Variants in PALS2 observed in about 807,000 individuals in gnomAD.
PALS2 encodes the protein protein associated with LIN7 2, MAGUK p55 family member.
A neutral mutation model predicts 61.6 loss-of-function variants in PALS2; 27 were observed. The observed-to-expected ratio is 0.44, with a 90% confidence interval of 0.32 to 0.60. The LOEUF is 0.60. Among genes scored for constraint, PALS2 ranks in the 20% least tolerant of loss-of-function variants. PALS2 has a pLI of 0.05. For synonymous variants in PALS2, 236 were observed against 218.6 expected, an observed-to-expected ratio of 1.08 and a Z score of -0.70; for missense variants, 554 against 639.4, an observed-to-expected ratio of 0.87 and a Z score of 1.44.
At chr7:24,684,550 C>G (rs936204731) in intron 11 of PALS2, among the ~76,000 whole-genome samples, 2 of 152,086 alleles carry the variant, frequency 1.3e-5, no homozygotes, top group East Asian at 3.9e-4. Flanking sequence ...CATCCAGAAG[C>G]CCTTGTTTCT....
In PALS2 at chr7:24,592,814, A is replaced by G. The variant is rs546306435; in HGVS notation, c.-3+19221A>G. ...TTAAAGCTTAAAAATGCTAGTAATCATCAGAGCCTTCAGAGAGTTGAAGTC... is the reference window on the plus strand; with the variant it reads ...TTAAAGCTTAAAAATGCTAGTAATCGTCAGAGCCTTCAGAGAGTTGAAGTC... On this transcript the variant is annotated intron_variant, in intron 1 of 11. Transcript: ENST00000222644. Among the ~76,000 whole-genome samples the G allele has an allele frequency of 2.0e-5, 3 of 152,264 alleles. No homozygotes were observed. The East Asian group carries it at 5.8e-4, about 29-fold the overall frequency.
At chr7:24,590,111 G>A (rs1237974793) in intron 1 of PALS2, among the ~76,000 whole-genome samples, 1 of 152,144 alleles carries the variant, frequency 6.6e-6, no homozygotes, top group Non-Finnish European at 1.5e-5. Flanking sequence ...AGTAAGTATT[G>A]ACTCTAGTAT....
chr7:24,640,746 T>A lies in PALS2; in HGVS notation c.118-970T>A, dbSNP rs185493836. Among the ~76,000 whole-genome samples, 55 of 152,198 alleles carry A rather than the reference T, an allele frequency of 3.6e-4. No homozygotes were observed. In the East Asian group the frequency reaches 6.0e-3, roughly 17 times the overall value. On this transcript the variant is annotated intron_variant, in intron 2 of 11. Transcript: ENST00000222644. ...ACTTTCGGCCGAGGGCGGTGGCTCA[T>A]GCCTGTAATCCCAGCACTTTGGGAG...
intron 2 of PALS2, among the ~76,000 whole-genome samples, chr7:24,634,432 G>A (rs753588912): frequency 6.6e-5 from 10 of 152,108 alleles, no homozygotes; most frequent in African/African-American, 1.9e-4. Context: ...GGGTTTCACC[G>A]TGTTAGCCAG....
intron 1 of PALS2, among the ~76,000 whole-genome samples, chr7:24,604,086 C>A (rs190653582): frequency 1.3e-5 from 2 of 151,846 alleles, no homozygotes; most frequent in Non-Finnish European, 2.9e-5. Context: ...TGACATGTGC[C>A]TGTAGTCCCA....
chr7:24,609,089 T>TTA (rs1389452371), intron 1 of PALS2, among the ~76,000 whole-genome samples: 1 of 152,232 alleles, frequency 6.6e-6, no homozygotes, highest in Non-Finnish European at 1.5e-5. Flanking sequence ...CAGCACCATC[T>TTA]GTTTTTCCCC....
At chr7:24,636,586 C>T (rs1169958282) in intron 2 of PALS2, among the ~76,000 whole-genome samples, 1 of 152,018 alleles carries the variant, frequency 6.6e-6, no homozygotes, top group Non-Finnish European at 1.5e-5. Context: ...GGTAATTACC[C>T]CATTTGATCA....
At chr7:24,685,647 GTTTTTTTTTTT>G (rs34096637) in intron 11 of PALS2, among the ~76,000 whole-genome samples, 1 of 132,904 alleles carries the variant, frequency 7.5e-6, no homozygotes, top group Non-Finnish European at 1.6e-5. Context: ...TGTTAACAGG[GTTTTTTTTTTT>G]TTTTTTTTTT....
chr7:24,574,475 G>C (rs996749430), intron 1 of PALS2, among the ~76,000 whole-genome samples: 3 of 152,192 alleles, frequency 2.0e-5, no homozygotes, highest in Admixed American at 1.3e-4. Flanking sequence ...TGGGATTGCA[G>C]CTCGAGATTA....
At chr7:24,576,699 A>G (rs953882089) in intron 1 of PALS2, among the ~76,000 whole-genome samples, 1 of 152,236 alleles carries the variant, frequency 6.6e-6, no homozygotes, top group Non-Finnish European at 1.5e-5. Context: ...GTACACAGAT[A>G]TTAGTTGTCT....
intron 2 of PALS2, among the ~76,000 whole-genome samples, chr7:24,624,924 T>C (rs1221634533): frequency 6.6e-6 from 1 of 152,138 alleles, no homozygotes; most frequent in African/African-American, 2.4e-5. Context: ...TTCATTTTAT[T>C]TACGTGTTTA....
chr7:24,589,695 C>A lies in PALS2; in HGVS notation c.-3+16102C>A, dbSNP rs375840308. ...TCTCATCCCATTACTTATTTATGAT[C>A]AATTTATTTTTAATTAAGCTTTTAA... On this transcript the variant is annotated intron_variant, in intron 1 of 11. Transcript: ENST00000222644. 9.9e-5 allele frequency among the ~76,000 whole-genome samples: 15 copies of A among 152,154 alleles called. 1 individual carries two copies. Among genetic ancestry groups the A allele is most frequent in the Admixed American group, 7.2e-4 (11 of 15,264 alleles).
chr7:24,643,507 T>C (rs1239665630), intron 3 of PALS2, among the ~76,000 whole-genome samples: 4 of 152,178 alleles, frequency 2.6e-5, no homozygotes, highest in Non-Finnish European at 5.9e-5. Flanking sequence ...TTTTAAGTTA[T>C]TGATTTCTAA....
At chr7:24,634,833 T>G (rs1476824811) in intron 2 of PALS2, among the ~76,000 whole-genome samples, 1 of 152,216 alleles carries the variant, frequency 6.6e-6, no homozygotes, top group Non-Finnish European at 1.5e-5. Flanking sequence ...GGAATATTTT[T>G]TCCCCATTGA....
Position 24,687,650 on chromosome 7 carries a change from TA to T in PALS2, c.*41del, listed in dbSNP as rs1313516162. 6.5e-7 allele frequency: 1 copy of T among 1,547,176 alleles called. No individual in the cohort carries two copies. Among genetic ancestry groups the T allele is most frequent in the East Asian group, 2.3e-5 (1 of 43,364 alleles). ...AGGTTAACAATGAAAATTAAACTCTTAAAAAGTGACTGCAACAAATAAACCT... is the reference window on the plus strand; with the variant it reads ...AGGTTAACAATGAAAATTAAACTCTTAAAAGTGACTGCAACAAATAAACCT... On this transcript the variant is annotated 3_prime_UTR_variant, in exon 12 of 12. Coordinates refer to ENST00000222644, the MANE Select transcript of PALS2 (RefSeq NM_001303037.2). The surrounding 1 kb of genome is among the most constrained non-coding windows in gnomAD (Gnocchi z 4.5).
intron 9 of PALS2, among the ~76,000 whole-genome samples, chr7:24,678,684 C>T (rs903406259): frequency 3.3e-5 from 5 of 152,146 alleles, no homozygotes; most frequent in African/African-American, 1.2e-4. Flanking sequence ...CACAACATGC[C>T]TCAAACACTT....
intron 2 of PALS2, among the ~76,000 whole-genome samples, chr7:24,626,690 A>G (rs559667508): frequency 2.0e-5 from 3 of 152,106 alleles, no homozygotes; most frequent in Admixed American, 1.3e-4. Context: ...CAGATTTACC[A>G]TACAAATGTA....
At position 24,618,271 on chromosome 7, in the gene PALS2, CTGTT is replaced by C. The variant is rs568505636; in HGVS notation, c.-2-5392_-2-5389del. On this transcript the variant is annotated intron_variant, in intron 1 of 11. Transcript: ENST00000222644. The surrounding 1 kb of genome is among the most constrained non-coding windows in gnomAD (Gnocchi z 5.1). ...GTTCTCCCTGGATGTGTCCACCAGA[CTGTT>C]TGACCAGAAGTGCTGGCAGCAGGGA... 1.8e-4 allele frequency among the ~76,000 whole-genome samples: 27 copies of C among 152,288 alleles called. No individual in the cohort carries two copies. The highest frequency in any genetic ancestry group is 1.6e-3 in the Admixed American group (24 of 15,300).
intron 1 of PALS2, among the ~76,000 whole-genome samples, chr7:24,604,440 GAGAA>G (rs1046651515): frequency 8.5e-5 from 13 of 152,086 alleles, no homozygotes; most frequent in Non-Finnish European, 1.8e-4. Flanking sequence ...ATTCCAACAA[GAGAA>G]AGAAAAGAGA....
Sources: gnomAD v4.1 joint callset for allele counts (sites outside exome capture counted in the v4.1 genomes callset) on GRCh38, gnomAD v4.1.1 for gene constraint, Gnocchi (gnomAD v3.1) non-coding constraint, MANE v1.5 for transcripts, NCBI Gene and HGNC (gene_info 2026-07-23, HGNC 2026-07-21) for gene names.